CBLL1: variants seen among roughly 807,000 people sequenced by gnomAD.
CBLL1 encodes Cbl proto-oncogene like 1, also known as E3 ubiquitin-protein ligase Hakai.
In CBLL1, 4 loss-of-function variants were observed where a neutral mutation model predicts 44.9. The observed-to-expected ratio is 0.09, with a 90% confidence interval of 0.04 to 0.20. The LOEUF (loss-of-function observed/expected upper bound fraction) is 0.20, where lower values mean the gene tolerates loss of function less well. CBLL1 is among the 10% of genes least tolerant of loss of function. The pLI is 1.00. For missense variants in CBLL1, 569 were observed against 636.7 expected (o/e 0.89, Z 1.14); for synonymous variants, 235 against 202.2 (o/e 1.16, Z -1.38).
intron 1 of CBLL1, among the ~76,000 whole-genome samples, chr7:107,746,735 C>G (rs112957218): frequency 0.012 from 1,814 of 152,292 alleles, 29 homozygotes; most frequent in African/African-American, 0.041. Context: ...CATACCGAAA[C>G]ATTCAAATGT....
At position 107,760,016 on chromosome 7, in the gene CBLL1, T is replaced by C. The variant is rs780797432; in HGVS notation, c.*838T>C. On this transcript the variant is annotated 3_prime_UTR_variant, in exon 6 of 6. Transcript: ENST00000440859. ...GTCGGAATCACATATGCACCACACA[T>C]ACTGATCTTAAGTAACATTATTTTA... 2.6e-5 allele frequency: 4 copies of C among 152,330 alleles called. No individual in the cohort carries two copies. The highest frequency in any genetic ancestry group is 5.9e-5 in the Non-Finnish European group (4 of 68,014). 9.4% of individuals were successfully genotyped at this position (152,330 alleles called of 1,614,324 possible).
At chr7:107,755,349 C>CTATA (rs950404578) in intron 4 of CBLL1, 69 bp from the exon 5 acceptor site, 2 of 688,940 alleles carry the variant, frequency 2.9e-6, no homozygotes, top group African/African-American at 1.9e-5. Flanking sequence ...GTATAGGTTA[C>CTATA]TATATATATA....
At position 107,759,902 on chromosome 7, in the gene CBLL1, T is replaced by C. The variant is rs1023570736; in HGVS notation, c.*724T>C. On this transcript the variant is annotated 3_prime_UTR_variant, in exon 6 of 6. Coordinates refer to ENST00000440859, the MANE Select transcript of CBLL1 (RefSeq NM_024814.4). ...TAATGTTAAAAGACATTACTAATTATTTGGAAAGAGATGGCCAAAATAATC... is the reference window on the plus strand; with the variant it reads ...TAATGTTAAAAGACATTACTAATTACTTGGAAAGAGATGGCCAAAATAATC... 6.6e-6 allele frequency: 1 copy of C among 152,314 alleles called. No individual in the cohort carries two copies. Among genetic ancestry groups the C allele is most frequent in the Non-Finnish European group, 1.5e-5 (1 of 68,020 alleles). 9.4% of individuals were successfully genotyped at this position (152,314 alleles called of 1,614,324 possible).
At chr7:107,744,455 G>A (rs1792903699) in intron 1 of CBLL1, 3 of 419,328 alleles carry the variant, frequency 7.2e-6, no homozygotes, top group Non-Finnish European at 1.3e-5. Flanking sequence ...AGGCCTTCGG[G>A]AAGGGAGAGC....
chr7:107,746,052 G>A (rs1359336988), intron 1 of CBLL1, among the ~76,000 whole-genome samples: 2 of 152,188 alleles, frequency 1.3e-5, no homozygotes, highest in African/African-American at 2.4e-5. Flanking sequence ...GTTCAGAGGA[G>A]AAGCCGGCCT....
intron 1 of CBLL1, among the ~76,000 whole-genome samples, chr7:107,747,513 A>G (rs1793075434): frequency 6.6e-6 from 1 of 152,206 alleles, no homozygotes; most frequent in African/African-American, 2.4e-5. Context: ...ACTTTTACAT[A>G]CATAAGCAAC....
At position 107,761,315 on chromosome 7, in the gene CBLL1, C is replaced by G. The variant is rs913645808; in HGVS notation, c.*2137C>G. 6.6e-6 allele frequency: 1 copy of G among 152,020 alleles called. No individual in the cohort carries two copies. The highest frequency in any genetic ancestry group is 6.5e-5 in the Admixed American group (1 of 15,274). The allele number at this position is 152,020 out of a possible 1,614,324, so 9.4% of individuals were successfully genotyped here. ...GATAAAATTTTGAATTAAGAGAACC[C>G]TTGTAGAGTTTTTAAAAAATGATTT... On this transcript the variant is annotated 3_prime_UTR_variant, in exon 6 of 6. Coordinates refer to ENST00000440859, the MANE Select transcript of CBLL1 (RefSeq NM_024814.4).
chr7:107,756,142 A>G (rs1793517549), intron 5 of CBLL1, among the ~76,000 whole-genome samples: 1 of 152,214 alleles, frequency 6.6e-6, no homozygotes, highest in Non-Finnish European at 1.5e-5. Flanking sequence ...AAACAGAATA[A>G]GAATTTTTAT....
intron 2 of CBLL1, among the ~76,000 whole-genome samples, chr7:107,750,409 C>T (rs1330979073): frequency 6.6e-6 from 1 of 151,484 alleles, no homozygotes; most frequent in Non-Finnish European, 1.5e-5. Flanking sequence ...AGGTTCATGC[C>T]ATTCTCCTGC....
intron 1 of CBLL1, among the ~76,000 whole-genome samples, chr7:107,746,801 C>G (rs923694529): frequency 1.3e-5 from 2 of 152,148 alleles, no homozygotes; most frequent in African/African-American, 4.8e-5. Flanking sequence ...AAGGGGCTCC[C>G]CATTAACACT....
At chr7:107,755,838 T>A (rs1272127307) in intron 5 of CBLL1, among the ~76,000 whole-genome samples, 2 of 152,216 alleles carry the variant, frequency 1.3e-5, no homozygotes, top group Admixed American at 1.3e-4. Flanking sequence ...ATCCTTGTTC[T>A]GCTATTTATT....
intron 4 of CBLL1, among the ~76,000 whole-genome samples, chr7:107,755,057 T>G (rs1318729988): frequency 6.6e-6 from 1 of 152,062 alleles, no homozygotes; most frequent in African/African-American, 2.4e-5. Context: ...GAGTTTGAGG[T>G]TACAGTGAGC....
intron 1 of CBLL1, 31 bp from the exon 2 acceptor site, chr7:107,748,849 A>G (rs754951055): frequency 6.5e-7 from 1 of 1,548,142 alleles, no homozygotes; most frequent in East Asian, 2.3e-5. Context: ...GAAAAACTAA[A>G]AGAAATTACA....
chr7:107,753,524 A>G lies in CBLL1; in HGVS notation c.282+13A>G, dbSNP rs766984678. ...TTGGGACTTTCAGGTATAATTAAAA[A>G]TGAAAAATTGTATTATAACAATAAA... On this transcript the variant is annotated intron_variant, in intron 3 of 5. Coordinates refer to ENST00000440859, the MANE Select transcript of CBLL1 (RefSeq NM_024814.4). The G allele has an allele frequency of 6.8e-7, 1 of 1,480,376 alleles. No homozygotes were observed. Among genetic ancestry groups the G allele is most frequent in the South Asian group, 1.3e-5 (1 of 76,528 alleles). 91.7% of individuals were successfully genotyped at this position (1,480,376 alleles called of 1,614,324 possible).
intron 2 of CBLL1, chr7:107,749,280 A>C: frequency 9.4e-6 from 3 of 320,308 alleles, no homozygotes; most frequent in Non-Finnish European, 1.7e-5. Flanking sequence ...CAGTAATCTC[A>C]ACAGTATTGC....
intron 2 of CBLL1, among the ~76,000 whole-genome samples, chr7:107,751,523 G>A (rs1243830490): frequency 6.6e-6 from 1 of 152,118 alleles, no homozygotes; most frequent in African/African-American, 2.4e-5. Context: ...TTATCGTAGG[G>A]TTCCTCTGCC....
chr7:107,759,394 A>G lies in CBLL1; in HGVS notation c.*216A>G, dbSNP rs1311068960. On this transcript the variant is annotated 3_prime_UTR_variant, in exon 6 of 6. Coordinates refer to ENST00000440859, the MANE Select transcript of CBLL1 (RefSeq NM_024814.4). Reference sequence around the variant, plus strand: ...ATAAGTGGCTCAGTTGAGCACAGCTATATTTTAACATCTCTTTGTTCCCCT... The same window carrying G: ...ATAAGTGGCTCAGTTGAGCACAGCTGTATTTTAACATCTCTTTGTTCCCCT... 9.6e-6 allele frequency: 4 copies of G among 416,324 alleles called. No homozygotes were observed. The East Asian group carries it at 1.4e-4, about 15-fold the overall frequency. 25.8% of individuals were successfully genotyped at this position (416,324 alleles called of 1,614,324 possible).
chr7:107,746,983 A>T (rs1367978233), intron 1 of CBLL1, among the ~76,000 whole-genome samples: 5 of 152,228 alleles, frequency 3.3e-5, no homozygotes, highest in African/African-American at 1.2e-4. Context: ...TTTAAAGTGA[A>T]TTTATCTGAA....
chr7:107,752,246 AT>A (rs1472107602), intron 2 of CBLL1, among the ~76,000 whole-genome samples: 1 of 151,960 alleles, frequency 6.6e-6, no homozygotes, highest in Non-Finnish European at 1.5e-5. Flanking sequence ...CTTATTTTGA[AT>A]TTTAGATCAC....
Sources: allele counts gnomAD v4.1 joint callset (sites outside exome capture counted in the v4.1 genomes callset), GRCh38; gene constraint gnomAD v4.1.1; transcripts MANE v1.5; gene names NCBI Gene and HGNC (gene_info 2026-07-23, HGNC 2026-07-21).